Variants in AKAP7 observed in about 807,000 individuals in gnomAD.
AKAP7 encodes the protein A-kinase anchoring protein 7.
In AKAP7, 39 loss-of-function variants were observed where a neutral mutation model predicts 39.5. The observed-to-expected ratio is 0.99, with a 90% CI of 0.76 to 1.29. The LOEUF (loss-of-function observed/expected upper bound fraction) is 1.29. Among genes scored for constraint, AKAP7 ranks in the 50% most tolerant of loss-of-function variants. The pLI is 0.00. For missense variants in AKAP7, 414 were observed against 407.7 expected (o/e 1.02, Z -0.13); for synonymous variants, 140 against 139.1 (o/e 1.01, Z -0.05).
chr6:131,181,526 A>G (rs1805242657), intron 5 of AKAP7, among the ~76,000 whole-genome samples: 2 of 152,184 alleles, frequency 1.3e-5, no homozygotes, highest in Non-Finnish European at 2.9e-5. Context: ...TCTAAAGCAC[A>G]AAACTAAGCA....
intron 7 of AKAP7, among the ~76,000 whole-genome samples, chr6:131,275,213 C>G (rs537835568): frequency 6.6e-6 from 1 of 152,246 alleles, no homozygotes; most frequent in South Asian, 2.1e-4. Context: ...TAATCATAAC[C>G]TACATTTTAG....
chr6:131,227,760 C>A (rs1393887795), intron 7 of AKAP7, among the ~76,000 whole-genome samples: 1 of 152,138 alleles, frequency 6.6e-6, no homozygotes, highest in Non-Finnish European at 1.5e-5. Context: ...AACGGGATAG[C>A]CTGCTCAGAC....
chr6:131,241,627 G>GTGTGTATATA lies in AKAP7; in HGVS notation c.850+21820_850+21821insGTGTATATAT. ...TGTGTGTGTGTGTGTGTGTGTGTGT[G>GTGTGTATATA]TATATATATATGACAGTTATAGGAT... On this transcript the variant is annotated intron_variant, in intron 7 of 7. Transcript: ENST00000431975. 5.3e-4 allele frequency among the ~76,000 whole-genome samples: 46 copies of GTGTGTATATA among 86,670 alleles called. 2 individuals are homozygous for GTGTGTATATA. The highest frequency in any genetic ancestry group is 2.2e-3 in the African/African-American group (45 of 20,054). 56.9% of individuals were successfully genotyped at this position (86,670 alleles called of 152,430 possible). A position where few individuals can be genotyped will look rare whatever the true frequency, so the allele number is the denominator to read the frequency against.
intron 2 of AKAP7, among the ~76,000 whole-genome samples, chr6:131,150,550 A>G (rs1376491877): frequency 6.6e-6 from 1 of 152,234 alleles, no homozygotes; most frequent in Non-Finnish European, 1.5e-5. Context: ...TGTTATTATG[A>G]AAGAGGTTAA....
chr6:131,258,801 CTTAT>C (rs1435409163), intron 7 of AKAP7, among the ~76,000 whole-genome samples: 3 of 152,154 alleles, frequency 2.0e-5, no homozygotes, highest in East Asian at 1.9e-4. Context: ...ATTTTCTGCA[CTTAT>C]TTATATACTT....
chr6:131,272,436 T>G (rs923061722), intron 7 of AKAP7, among the ~76,000 whole-genome samples: 4 of 152,238 alleles, frequency 2.6e-5, no homozygotes, highest in Non-Finnish European at 1.5e-5. Context: ...TCTCTTCCTA[T>G]GTTCTTAATG....
chr6:131,266,282 A>G (rs1813790701), intron 7 of AKAP7, among the ~76,000 whole-genome samples: 1 of 152,244 alleles, frequency 6.6e-6, no homozygotes, highest in Non-Finnish European at 1.5e-5. Flanking sequence ...TTCTTAGTCC[A>G]TCCTAGTACA....
At chr6:131,280,016 TAAACAA>T (rs1330569610) in intron 7 of AKAP7, among the ~76,000 whole-genome samples, 1 of 152,200 alleles carries the variant, frequency 6.6e-6, no homozygotes, top group Non-Finnish European at 1.5e-5. Flanking sequence ...TTCCTACTGA[TAAACAA>T]AAAGTCTTAA....
intron 3 of AKAP7, among the ~76,000 whole-genome samples, chr6:131,161,230 T>C (rs1169213181): frequency 5.3e-5 from 8 of 152,152 alleles, no homozygotes; most frequent in Non-Finnish European, 1.2e-4. Context: ...GGGGAGAAGA[T>C]ATACATAACA....
chr6:131,186,482 A>C (rs1381778278), intron 5 of AKAP7, among the ~76,000 whole-genome samples: 1 of 152,150 alleles, frequency 6.6e-6, no homozygotes, highest in Non-Finnish European at 1.5e-5. Context: ...GTCTTTTCTC[A>C]TTGAATGATC....
intron 7 of AKAP7, among the ~76,000 whole-genome samples, chr6:131,260,315 T>A (rs1345524938): frequency 6.6e-6 from 1 of 152,178 alleles, no homozygotes; most frequent in African/African-American, 2.4e-5. Flanking sequence ...TTTGGGCATA[T>A]ACCCAGTAAT....
intron 6 of AKAP7, among the ~76,000 whole-genome samples, chr6:131,209,698 G>A (rs189059279): frequency 2.0e-5 from 3 of 152,174 alleles, no homozygotes; most frequent in East Asian, 1.9e-4. Flanking sequence ...AAAGATTACC[G>A]TTAGTTATGG....
At chr6:131,226,908 T>A (rs1051275671) in intron 7 of AKAP7, among the ~76,000 whole-genome samples, 11 of 152,350 alleles carry the variant, frequency 7.2e-5, no homozygotes, top group African/African-American at 2.6e-4. Context: ...ATGTACGATG[T>A]GCCTACTTCT....
intron 5 of AKAP7, among the ~76,000 whole-genome samples, chr6:131,181,158 A>T (rs980654561): frequency 1.3e-5 from 2 of 151,788 alleles, no homozygotes; most frequent in Non-Finnish European, 2.9e-5. Flanking sequence ...CTGGTATCAA[A>T]CTCCTGACCT....
intron 5 of AKAP7, among the ~76,000 whole-genome samples, chr6:131,173,187 C>T (rs1273018424): frequency 5.1e-5 from 7 of 138,022 alleles, no homozygotes; most frequent in East Asian, 2.1e-4. Context: ...GGTGACAGAG[C>T]GAGACTCCAT....
At chr6:131,204,673 G>A (rs953040273) in intron 6 of AKAP7, among the ~76,000 whole-genome samples, 2 of 152,192 alleles carry the variant, frequency 1.3e-5, no homozygotes, top group African/African-American at 2.4e-5. Context: ...GGACCTTGGT[G>A]AGTGGAGTGT....
chr6:131,242,188 A>G, intron 7 of AKAP7: 1 of 984,560 alleles, frequency 1.0e-6, no homozygotes, highest in Non-Finnish European at 1.2e-6. Context: ...GATTCAGGTG[A>G]GTATTTTATC....
At chr6:131,176,283 G>T (rs918183576) in intron 5 of AKAP7, among the ~76,000 whole-genome samples, 37 of 149,766 alleles carry the variant, frequency 2.5e-4, no homozygotes, top group Admixed American at 2.4e-3. Flanking sequence ...GTGATCCTGT[G>T]TGTTTTTTTT....
At chr6:131,184,700 C>A (rs913058602) in intron 5 of AKAP7, 2 of 803,974 alleles carry the variant, frequency 2.5e-6, no homozygotes, top group African/African-American at 1.7e-5. Context: ...TTGGGCAAGG[C>A]AAATCCATCA....
Sources: allele counts gnomAD v4.1 joint callset (sites outside exome capture counted in the v4.1 genomes callset), GRCh38; gene constraint gnomAD v4.1.1; transcripts MANE v1.5; gene names NCBI Gene and HGNC (gene_info 2026-07-23, HGNC 2026-07-21).